The following SMARCC1 variants were observed in gnomAD, a reference collection of about 807,000 sequenced individuals.
The protein encoded by SMARCC1 is SWI/SNF related BAF chromatin remodeling complex subunit C1.
A neutral mutation model predicts 147.4 loss-of-function variants in SMARCC1; 43 were observed. The observed-to-expected ratio is 0.29, with a 90% CI of 0.23 to 0.38. The LOEUF (loss-of-function observed/expected upper bound fraction) is 0.38. Among genes scored for constraint, SMARCC1 ranks in the 10% least tolerant of loss-of-function variants. The pLI is 1.00. For missense variants in SMARCC1, 1,119 were observed against 1,381.1 expected, an observed-to-expected ratio of 0.81 and a Z score of 3.01; for synonymous variants, 495 against 484.4, an observed-to-expected ratio of 1.02 and a Z score of -0.29.
intron 12 of SMARCC1, among the ~76,000 whole-genome samples, chr3:47,689,822 C>T (rs1170985986): frequency 6.6e-6 from 1 of 152,146 alleles, no homozygotes; most frequent in Non-Finnish European, 1.5e-5. Flanking sequence ...TAACCAATCC[C>T]TTACTAATCT....
chr3:47,743,824 A>G (rs1413840769), intron 3 of SMARCC1, among the ~76,000 whole-genome samples: 1 of 152,046 alleles, frequency 6.6e-6, no homozygotes, highest in Non-Finnish European at 1.5e-5. Context: ...AAAAAAAAAA[A>G]AAAAAATTTC....
chr3:47,708,704 T>A (rs552993184), intron 9 of SMARCC1, among the ~76,000 whole-genome samples: 2 of 152,030 alleles, frequency 1.3e-5, no homozygotes, highest in African/African-American at 4.8e-5. Flanking sequence ...AAAAAAAAAA[T>A]TTTGAATAGT....
At chr3:47,699,217 T>C (rs2033888961) in intron 11 of SMARCC1, among the ~76,000 whole-genome samples, 1 of 152,192 alleles carries the variant, frequency 6.6e-6, no homozygotes, top group African/African-American at 2.4e-5. Context: ...CAACTGTGAA[T>C]AGGGGCTTGA....
At chr3:47,714,844 A>G (rs2034136358) in intron 7 of SMARCC1, among the ~76,000 whole-genome samples, 1 of 152,158 alleles carries the variant, frequency 6.6e-6, no homozygotes, top group Non-Finnish European at 1.5e-5. Context: ...ACTAAAATCT[A>G]TTAATAGAAA....
intron 18 of SMARCC1, among the ~76,000 whole-genome samples, chr3:47,672,885 T>C (rs1470696852): frequency 6.6e-6 from 1 of 151,988 alleles, no homozygotes; most frequent in Non-Finnish European, 1.5e-5. Context: ...TTCAAGCGAC[T>C]CTCGAGCTTC....
intron 5 of SMARCC1, among the ~76,000 whole-genome samples, chr3:47,731,440 T>C (rs754535829): frequency 7.2e-5 from 11 of 152,230 alleles, no homozygotes; most frequent in Non-Finnish European, 1.2e-4. Flanking sequence ...TGTTGATATT[T>C]TGACCTCTGA....
intron 5 of SMARCC1, among the ~76,000 whole-genome samples, chr3:47,735,647 C>T (rs1374150045): frequency 1.5e-4 from 23 of 151,976 alleles, no homozygotes; most frequent in Admixed American, 1.5e-3. Flanking sequence ...CCAGCAATTT[C>T]GGAGGCTGAG....
At position 47,781,587 on chromosome 3, in the gene SMARCC1, G is replaced by C; in HGVS notation, c.195+16C>G. ...GGTCGCGTGGTCTCCCGGCCCCCAC[G>C]GGCGCGCGAACCCACCTTCTTGTAG... On this transcript the variant is annotated intron_variant, in intron 1 of 27. Transcript: ENST00000254480. 3.3e-6 allele frequency: 5 copies of C among 1,500,038 alleles called. No individual in the cohort carries two copies. The highest frequency in any genetic ancestry group is 2.4e-5 in the Admixed American group (1 of 41,050). The allele number at this position is 1,500,038 out of a possible 1,614,324, so 92.9% of individuals were successfully genotyped here.
At chr3:47,654,315 T>G (rs560278385) in intron 21 of SMARCC1, among the ~76,000 whole-genome samples, 2 of 152,308 alleles carry the variant, frequency 1.3e-5, no homozygotes, top group African/African-American at 4.8e-5. Context: ...CTGGGTACTG[T>G]CTGGTGGTGC....
chr3:47,591,410 T>TAA (rs36029152), intron 26 of SMARCC1, among the ~76,000 whole-genome samples: 137 of 143,774 alleles, frequency 9.5e-4, no homozygotes, highest in Non-Finnish European at 1.4e-3. Flanking sequence ...ATGGTTCATT[T>TAA]AAAAAAAAAA....
chr3:47,671,357 CACAA>C (rs2033500104), intron 18 of SMARCC1, among the ~76,000 whole-genome samples: 1 of 152,002 alleles, frequency 6.6e-6, no homozygotes, highest in Admixed American at 6.6e-5. Flanking sequence ...GCTGTAATAT[CACAA>C]ACATAGTACA....
chr3:47,669,718 A>G (rs892577674), intron 19 of SMARCC1, among the ~76,000 whole-genome samples: 1 of 152,202 alleles, frequency 6.6e-6, no homozygotes, highest in African/African-American at 2.4e-5. Flanking sequence ...AGAAAACAGC[A>G]AGAAAAAGTA....
At position 47,661,311 on chromosome 3, in the gene SMARCC1, T is replaced by C. The variant is rs766655874; in HGVS notation, c.2303A>G (p.Asp768Gly). ...TGACTCACCAAGCTTCTCTGGCTCA[T>C]CGGGCCCTGTGCCTGCAATGCAGCT... ...ESSCIAGTGP[D>G]EPEKLEGAEE... Residue 768 changes from aspartate to glycine, a missense_variant, in exon 21 of 28, where the codon GAT becomes GGT. By Grantham distance (94) the Asp-to-Gly change is moderately conservative. Coordinates refer to ENST00000254480, the MANE Select transcript of SMARCC1 (RefSeq NM_003074.4). 9.3e-6 allele frequency: 15 copies of C among 1,612,030 alleles called. No homozygotes were observed. In the Admixed American group the frequency reaches 1.2e-4, roughly 13 times the overall value.
Position 47,636,058 on chromosome 3 carries a change from C to T in SMARCC1, c.2455G>A (p.Glu819Lys), listed in dbSNP as rs750570926. ...TCCTCACTCACTTCACTATCCTGTT[C>T]CTTTTCACTATTTTTTTCATTTTCT... ...DGENEKNSEK[E>K]QDSEVSEDTK... The change falls in exon 23 of 28, where the codon GAA becomes AAA. Residue 819 changes from glutamate (E) to lysine (K), a missense_variant. Glu to Lys is a moderately conservative substitution (Grantham distance 56). This residue lies in a region of SMARCC1 where 157 missense variants were observed against 158.6 expected (regional missense o/e 0.99). Transcript: ENST00000254480. 1.4e-5 allele frequency: 22 copies of T among 1,603,218 alleles called. No homozygotes were observed. The highest frequency in any genetic ancestry group is 1.3e-5 in the African/African-American group (1 of 74,752).
intron 7 of SMARCC1, among the ~76,000 whole-genome samples, chr3:47,717,223 T>C (rs1428199377): frequency 2.6e-5 from 4 of 152,226 alleles, no homozygotes; most frequent in Non-Finnish European, 4.4e-5. Flanking sequence ...AATAGTCTTG[T>C]TCCTCCCCAA....
At position 47,707,137 on chromosome 3, in the gene SMARCC1, C is replaced by T. The variant is rs144242883; in HGVS notation, c.919-607G>A. On this transcript the variant is annotated intron_variant, in intron 9 of 27. Transcript: ENST00000254480. ...ACCAACCTCTCCAACACAGGGAAAG[C>T]CCATCTCTACTAAAAATACAAAAAT... Among the ~76,000 whole-genome samples, 552 of 152,052 alleles carry T rather than the reference C, an allele frequency of 3.6e-3. 4 individuals carry two copies. The highest frequency in any genetic ancestry group is 9.5e-3 in the African/African-American group (393 of 41,480).
At chr3:47,595,981 C>T (rs1156326868) in intron 26 of SMARCC1, among the ~76,000 whole-genome samples, 5 of 151,540 alleles carry the variant, frequency 3.3e-5, no homozygotes, top group African/African-American at 1.2e-4. Flanking sequence ...GATCTGCCTG[C>T]TTTGGCCTCC....
chr3:47,748,218 T>A (rs1178547637), intron 2 of SMARCC1, among the ~76,000 whole-genome samples: 1 of 152,104 alleles, frequency 6.6e-6, no homozygotes, highest in Non-Finnish European at 1.5e-5. Context: ...TTTATTATAC[T>A]TTTTTATCTT....
At chr3:47,772,987 A>T in intron 1 of SMARCC1, 51 bp from the exon 2 acceptor site, 1 of 1,589,394 alleles carries the variant, frequency 6.3e-7, no homozygotes. Flanking sequence ...TTGCAGGAGA[A>T]AATGTTGGCT....
Sources: allele counts gnomAD v4.1 joint callset (sites outside exome capture counted in the v4.1 genomes callset), GRCh38; gene constraint gnomAD v4.1.1; regional missense constraint gnomAD v4.1.1; transcripts MANE v1.5; gene names NCBI Gene and HGNC (gene_info 2026-07-23, HGNC 2026-07-21).